The following SIPA1L1 variants were observed in gnomAD, a reference collection of about 807,000 sequenced individuals.
SIPA1L1 encodes the protein signal-induced proliferation-associated 1-like protein 1.
A neutral mutation model predicts 162.7 loss-of-function variants in SIPA1L1; 26 were observed. The observed-to-expected ratio is 0.16, with a 90% confidence interval of 0.12 to 0.22. The LOEUF is 0.22. Ranked by LOEUF, SIPA1L1 falls within the 10% of genes least tolerant of loss-of-function variation. The pLI, the probability that SIPA1L1 is intolerant of heterozygous loss-of-function variation, is 1.00. For missense variants in SIPA1L1, 1,874 were observed against 2,241.0 expected, an observed-to-expected ratio of 0.84 and a Z score of 3.31; for synonymous variants, 829 against 837.4, an observed-to-expected ratio of 0.99 and a Z score of 0.17.
chr14:71,425,034 T>C (rs1159976111), intron 2 of SIPA1L1, among the ~76,000 whole-genome samples: 4 of 152,214 alleles, frequency 2.6e-5, no homozygotes, highest in Non-Finnish European at 2.9e-5. Context: ...GTTATCCAGT[T>C]TTTTTGCATA....
In SIPA1L1 at chr14:71,359,656, G is replaced by T. The variant is rs147480979; in HGVS notation, c.-465+38475G>T. ...AAATGACAGATTCTCAGTCCTACTGGTTGTTTTTTTAATTGACTTAATTGA... is the reference window on the plus strand; with the variant it reads ...AAATGACAGATTCTCAGTCCTACTGTTTGTTTTTTTAATTGACTTAATTGA... On this transcript the variant is annotated intron_variant, in intron 2 of 23. Coordinates refer to ENST00000381232, the MANE Select transcript of SIPA1L1 (RefSeq NM_001386936.1). Among the ~76,000 whole-genome samples, 164 of 152,232 alleles carry T rather than the reference G, an allele frequency of 1.1e-3. 1 individual carries two copies. Among genetic ancestry groups the T allele is most frequent in the African/African-American group, 3.7e-3 (154 of 41,534 alleles).
At chr14:71,676,272 A>G (rs2045166296) in intron 12 of SIPA1L1, among the ~76,000 whole-genome samples, 1 of 151,494 alleles carries the variant, frequency 6.6e-6, no homozygotes, top group African/African-American at 2.4e-5. Flanking sequence ...AGCCTGGGCG[A>G]CGGAGGTAGA....
chr14:71,547,095 TA>T (rs1160668807), intron 4 of SIPA1L1, among the ~76,000 whole-genome samples: 1 of 152,106 alleles, frequency 6.6e-6, no homozygotes, highest in African/African-American at 2.4e-5. Context: ...AGAGCTCCCC[TA>T]ATAGCTCTTT....
intron 17 of SIPA1L1, among the ~76,000 whole-genome samples, chr14:71,720,071 C>T (rs2083580484): frequency 6.6e-6 from 1 of 152,114 alleles, no homozygotes; most frequent in Non-Finnish European, 1.5e-5. Context: ...TTTCAGATAT[C>T]CTTTCTTTAT....
At chr14:71,481,867 A>G (rs2048379023) in intron 2 of SIPA1L1, among the ~76,000 whole-genome samples, 1 of 152,246 alleles carries the variant, frequency 6.6e-6, no homozygotes, top group Admixed American at 6.5e-5. Context: ...AATAACTCAC[A>G]TGGCATTTTA....
chr14:71,592,537 A>G (rs759292368), intron 5 of SIPA1L1, among the ~76,000 whole-genome samples: 6 of 152,058 alleles, frequency 3.9e-5, no homozygotes, highest in Non-Finnish European at 8.8e-5. Context: ...AAGGTGTGGC[A>G]GAGCTGACCT....
At chr14:71,641,995 G>A (rs1003308691) in intron 7 of SIPA1L1, among the ~76,000 whole-genome samples, 4 of 152,254 alleles carry the variant, frequency 2.6e-5, no homozygotes, top group Non-Finnish European at 5.9e-5. Flanking sequence ...TATACGCCTT[G>A]CATTTACTCT....
chr14:71,393,493 T>C (rs182493870), intron 2 of SIPA1L1, among the ~76,000 whole-genome samples: 33 of 152,298 alleles, frequency 2.2e-4, no homozygotes, highest in Non-Finnish European at 4.0e-4. Flanking sequence ...ACCACACTCA[T>C]GCTAGCAGGA....
intron 2 of SIPA1L1, among the ~76,000 whole-genome samples, chr14:71,438,228 C>A (rs1161343173): frequency 6.6e-6 from 1 of 151,970 alleles, no homozygotes; most frequent in Non-Finnish European, 1.5e-5. Context: ...TTTTTTCTCT[C>A]AAACTTCTTT....
At position 71,416,720 on chromosome 14, in the gene SIPA1L1, TACACACACAC is replaced by T. The variant is rs3085177; in HGVS notation, c.-465+95562_-465+95571del. ...CTATACTCTAAAAGAAAGAAAAATC[TACACACACAC>T]ACACACACACACACACACACACGCA... On this transcript the variant is annotated intron_variant, in intron 2 of 23. Coordinates refer to ENST00000381232, the MANE Select transcript of SIPA1L1 (RefSeq NM_001386936.1). 2.5e-3 allele frequency among the ~76,000 whole-genome samples: 372 copies of T among 147,808 alleles called. 5 individuals carry two copies. Among genetic ancestry groups the T allele is most frequent in the Non-Finnish European group, 4.0e-3 (266 of 66,996 alleles).
chr14:71,447,205 C>T (rs367915422), intron 2 of SIPA1L1, among the ~76,000 whole-genome samples: 47 of 151,938 alleles, frequency 3.1e-4, no homozygotes, highest in African/African-American at 1.0e-3. Flanking sequence ...TGAGCCACCA[C>T]GCTTATCCTC....
Position 71,356,567 on chromosome 14 carries a change from C to CAAAAAAAAAAAAAAAAAAAAAAAAAAAA in SIPA1L1, c.-465+35406_-465+35407insAAAAAAAAAAAAAAAAAAAAAAAAAAAA, listed in dbSNP as rs71105772. Among the ~76,000 whole-genome samples, 15 of 39,160 alleles carry CAAAAAAAAAAAAAAAAAAAAAAAAAAAA rather than the reference C, an allele frequency of 3.8e-4. 5 individuals are homozygous for CAAAAAAAAAAAAAAAAAAAAAAAAAAAA. Among genetic ancestry groups the CAAAAAAAAAAAAAAAAAAAAAAAAAAAA allele is most frequent in the East Asian group, 7.9e-4 (1 of 1,266 alleles). 25.7% of individuals were successfully genotyped at this position (39,160 alleles called of 152,430 possible). On this transcript the variant is annotated intron_variant, in intron 2 of 23. Coordinates refer to ENST00000381232, the MANE Select transcript of SIPA1L1 (RefSeq NM_001386936.1). ...GCAACATAGCAAGACCTTGTCTCTA[C>CAAAAAAAAAAAAAAAAAAAAAAAAAAAA]AAAAAAAAAAAAAAAAAAAAGCACA...
chr14:71,646,433 C>T (rs2042178116), intron 7 of SIPA1L1, among the ~76,000 whole-genome samples: 1 of 152,192 alleles, frequency 6.6e-6, no homozygotes, highest in African/African-American at 2.4e-5. Context: ...GCCTCGGCCT[C>T]CCAAAGTGCT....
intron 4 of SIPA1L1, among the ~76,000 whole-genome samples, chr14:71,545,081 A>T (rs2055062471): frequency 6.6e-6 from 1 of 152,112 alleles, no homozygotes; most frequent in Non-Finnish European, 1.5e-5. Flanking sequence ...GCTGGTCTCA[A>T]ACTTCTGGAC....
chr14:71,467,879 AG>A (rs1315440113), intron 2 of SIPA1L1, among the ~76,000 whole-genome samples: 1 of 151,900 alleles, frequency 6.6e-6, no homozygotes, highest in African/African-American at 2.4e-5. Context: ...AGAAAGAAAA[AG>A]TATTGGCTTC....
At chr14:71,603,545 A>G (rs1443735724) in intron 5 of SIPA1L1, among the ~76,000 whole-genome samples, 24 of 152,020 alleles carry the variant, frequency 1.6e-4, no homozygotes, top group Non-Finnish European at 3.5e-4. Flanking sequence ...TGCAGCCTTG[A>G]ACTCCCAGGC....
intron 13 of SIPA1L1, among the ~76,000 whole-genome samples, chr14:71,697,354 G>A (rs2081720016): frequency 1.3e-5 from 2 of 152,096 alleles, no homozygotes; most frequent in Admixed American, 1.3e-4. Context: ...AATAGTAGTT[G>A]AACTTAATTA....
intron 4 of SIPA1L1, among the ~76,000 whole-genome samples, chr14:71,563,403 C>T (rs1231202804): frequency 1.3e-5 from 2 of 149,006 alleles, no homozygotes; most frequent in Non-Finnish European, 3.0e-5. Context: ...TATTTTCTTT[C>T]TTAATACAAA....
At chr14:71,693,978 A>C (rs1295674010) in intron 13 of SIPA1L1, among the ~76,000 whole-genome samples, 5 of 152,116 alleles carry the variant, frequency 3.3e-5, no homozygotes, top group Admixed American at 3.3e-4. Context: ...TACATATCTC[A>C]TGTTGGAATA....
Sources: allele counts gnomAD v4.1 joint callset (sites outside exome capture counted in the v4.1 genomes callset), GRCh38; gene constraint gnomAD v4.1.1; transcripts MANE v1.5; gene names NCBI Gene and HGNC (gene_info 2026-07-23, HGNC 2026-07-21).